ITGA11: variants seen among roughly 807,000 people sequenced by gnomAD.
ITGA11 encodes integrin subunit alpha 11.
A neutral mutation model predicts 141.9 loss-of-function variants in ITGA11; 97 were observed. That is an observed-to-expected ratio of 0.68 (90% CI 0.58 to 0.81). ITGA11 has a LOEUF of 0.81. ITGA11 is among the 30% of genes least tolerant of loss of function. The probability of loss-of-function intolerance (pLI) is 0.00; values close to 1 mark genes in which losing one functional copy is unlikely to be tolerated. For missense variants in ITGA11, 1,387 were observed against 1,559.2 expected (o/e 0.89, Z 1.86); for synonymous variants, 658 against 624.6 (o/e 1.05, Z -0.80).
intron 2 of ITGA11, among the ~76,000 whole-genome samples, chr15:68,388,209 TCTG>T (rs1329077880): frequency 6.6e-6 from 1 of 152,186 alleles, no homozygotes; most frequent in Non-Finnish European, 1.5e-5. Context: ...CTTGCCTCCT[TCTG>T]CTCTTGCCCT....
At chr15:68,383,688 A>C (rs1895915780) in intron 2 of ITGA11, among the ~76,000 whole-genome samples, 1 of 152,242 alleles carries the variant, frequency 6.6e-6, no homozygotes, top group Non-Finnish European at 1.5e-5. Flanking sequence ...ACCAGCCTTG[A>C]AAATTCAAAC....
intron 2 of ITGA11, among the ~76,000 whole-genome samples, chr15:68,399,007 G>A (rs537527773): frequency 7.9e-5 from 12 of 151,848 alleles, no homozygotes; most frequent in South Asian, 2.1e-4. Flanking sequence ...AAAATTGAAC[G>A]TATAAATTCA....
At chr15:68,347,921 TACACACAC>T (rs59472483) in intron 10 of ITGA11, among the ~76,000 whole-genome samples, 71 of 151,030 alleles carry the variant, frequency 4.7e-4, no homozygotes, top group South Asian at 1.7e-3. Context: ...AGAACACACA[TACACACAC>T]ACACACACAC....
chr15:68,306,620 CA>C (rs1486698629), intron 28 of ITGA11, among the ~76,000 whole-genome samples: 1 of 152,164 alleles, frequency 6.6e-6, no homozygotes, highest in African/African-American at 2.4e-5. Flanking sequence ...AATGAACAAA[CA>C]AAAAAGCTCC....
At chr15:68,414,686 G>A (rs1182601172) in intron 1 of ITGA11, among the ~76,000 whole-genome samples, 6 of 152,154 alleles carry the variant, frequency 3.9e-5, no homozygotes, top group Non-Finnish European at 8.8e-5. Flanking sequence ...CTGGCACCGG[G>A]GGCACTCCCG....
intron 10 of ITGA11, among the ~76,000 whole-genome samples, chr15:68,343,723 C>G (rs1490002458): frequency 1.3e-5 from 2 of 152,130 alleles, no homozygotes; most frequent in South Asian, 2.1e-4. Flanking sequence ...GGGTGAGGCT[C>G]TGTTCCCAGG....
At chr15:68,372,820 T>C (rs1186742635) in intron 2 of ITGA11, among the ~76,000 whole-genome samples, 3 of 152,184 alleles carry the variant, frequency 2.0e-5, no homozygotes, top group Non-Finnish European at 4.4e-5. Context: ...TGGGGACTCA[T>C]CCTGAATTCT....
Position 68,321,365 on chromosome 15 carries a change from C to T in ITGA11, c.2408+53G>A. On this transcript the variant is annotated intron_variant, in intron 19 of 29. Transcript: ENST00000315757. This position sits in a 1 kb window ranked among gnomAD's most constrained non-coding sequence, Gnocchi z 4.9. ...TCCAGGGCCCCAGGAGCCCCAGAGC[C>T]TCTGGCAGTGAAGGGGAAGGGGCGA... 8.4e-7 allele frequency: 1 copy of T among 1,186,412 alleles called. No homozygotes were observed. 73.5% of individuals were successfully genotyped at this position (1,186,412 alleles called of 1,614,324 possible). A position where few individuals can be genotyped will look rare whatever the true frequency, so the allele number is the denominator to read the frequency against.
rs1892942642 is a variant in ITGA11 at position 68,297,833 on chromosome 15, C to G, written c.*5226G>C. 6.6e-6 allele frequency: 1 copy of G among 152,040 alleles called. No individual in the cohort carries two copies. Among genetic ancestry groups the G allele is most frequent in the Non-Finnish European group, 1.5e-5 (1 of 68,004 alleles). 9.4% of individuals were successfully genotyped at this position (152,040 alleles called of 1,614,324 possible). ...TGGCCATTCCAGCCTCTATAGAGAT[C>G]TGAAAAAAACATTTAGTGCCACCCT... On this transcript the variant is annotated 3_prime_UTR_variant, in exon 30 of 30. Coordinates refer to ENST00000315757, the MANE Select transcript of ITGA11 (RefSeq NM_001004439.2).
chr15:68,357,095 A>T, intron 7 of ITGA11, 56 bp downstream of exon 7: 1 of 1,517,340 alleles, frequency 6.6e-7, no homozygotes, highest in Non-Finnish European at 9.0e-7. Context: ...GGCAATAGAT[A>T]ACTACAATAG....
chr15:68,332,027 T>C lies in ITGA11; in HGVS notation c.1602A>G (p.Ser534=), dbSNP rs1422859822. Reference sequence around the variant, plus strand: ...CAAATCGGGCATTCTGGTAACTGTGTGAATCCTTTAGCGTTCCGTTATAAA... The same window carrying C: ...CAAATCGGGCATTCTGGTAACTGTGCGAATCCTTTAGCGTTCCGTTATAAA... ...LFVYNGTLKD[S]HSYQNARFGS... The change falls in exon 14 of 30, where the codon TCA becomes TCG. Residue 534 remains serine (S), a synonymous_variant. Transcript: ENST00000315757. The C allele has an allele frequency of 1.2e-6, 2 of 1,610,232 alleles. No homozygotes were observed. Among genetic ancestry groups the C allele is most frequent in the African/African-American group, 1.3e-5 (1 of 74,872 alleles).
At chr15:68,409,420 C>T (rs1317334352) in intron 1 of ITGA11, among the ~76,000 whole-genome samples, 1 of 151,912 alleles carries the variant, frequency 6.6e-6, no homozygotes, top group Admixed American at 6.5e-5. Flanking sequence ...AGAATCAGTA[C>T]CTGTTGGCTC....
chr15:68,364,627 G>T (rs1376623122), intron 4 of ITGA11, 80 bp downstream of exon 4: 3 of 911,338 alleles, frequency 3.3e-6, no homozygotes, highest in East Asian at 5.3e-5. Flanking sequence ...TGGACATGAG[G>T]GTGTGTAAGG....
chr15:68,348,932 C>G, intron 9 of ITGA11, 32 bp from the exon 10 acceptor site: 1 of 1,565,956 alleles, frequency 6.4e-7, no homozygotes, highest in East Asian at 2.3e-5. Context: ...ATGTCAGCTC[C>G]ATGCCCAATC....
chr15:68,391,593 A>G (rs1055751704), intron 2 of ITGA11, among the ~76,000 whole-genome samples: 1 of 152,210 alleles, frequency 6.6e-6, no homozygotes, highest in Non-Finnish European at 1.5e-5. Flanking sequence ...AGTGACTCCA[A>G]CAAAAAGTGG....
chr15:68,329,890 G>A (rs1446899404), intron 15 of ITGA11, among the ~76,000 whole-genome samples: 2 of 152,222 alleles, frequency 1.3e-5, no homozygotes, highest in Non-Finnish European at 2.9e-5. Context: ...TAGAGGGCTG[G>A]GGCACCACCG....
chr15:68,383,913 A>G (rs1392081884), intron 2 of ITGA11, among the ~76,000 whole-genome samples: 5 of 152,154 alleles, frequency 3.3e-5, no homozygotes, highest in Non-Finnish European at 1.5e-5. Flanking sequence ...GAGTGGGAAG[A>G]GACGGGTGGC....
At position 68,327,367 on chromosome 15, in the gene ITGA11, C is replaced by T. The variant is rs577841886; in HGVS notation, c.2069-571G>A. 3.7e-4 allele frequency among the ~76,000 whole-genome samples: 57 copies of T among 152,368 alleles called. No homozygotes were observed. The Middle Eastern group carries it at 0.014, about 36-fold the overall frequency. On this transcript the variant is annotated intron_variant, in intron 16 of 29. Coordinates refer to ENST00000315757, the MANE Select transcript of ITGA11 (RefSeq NM_001004439.2). ...CCCTTCTCCTGTTCTCCAGCACGCCCGCAGGTTGCTGCTGGCTCTCATATC... is the reference window on the plus strand; with the variant it reads ...CCCTTCTCCTGTTCTCCAGCACGCCTGCAGGTTGCTGCTGGCTCTCATATC...
intron 4 of ITGA11, among the ~76,000 whole-genome samples, chr15:68,364,187 T>C (rs886688466): frequency 3.9e-5 from 6 of 152,182 alleles, no homozygotes; most frequent in Admixed American, 3.9e-4. Context: ...CATCTAATCC[T>C]GGATAGTTGA....
Sources: gnomAD v4.1 joint callset for allele counts (sites outside exome capture counted in the v4.1 genomes callset) on GRCh38, gnomAD v4.1.1 for gene constraint, Gnocchi (gnomAD v3.1) non-coding constraint, MANE v1.5 for transcripts, NCBI Gene and HGNC (gene_info 2026-07-23, HGNC 2026-07-21) for gene names.